Variants in WWOX observed in about 807,000 individuals in gnomAD.
The protein encoded by WWOX is WW domain containing oxidoreductase.
WWOX carries 69 observed loss-of-function variants against 46.2 expected under a neutral mutation model. The ratio of observed to expected loss-of-function variants is 1.49; its 90% CI spans 1.23 to 1.82. The LOEUF is 1.82. Among genes scored for constraint, WWOX ranks in the 40% most tolerant of loss-of-function variants. The probability of loss-of-function intolerance (pLI) is 0.00; values close to 1 mark genes in which losing one functional copy is unlikely to be tolerated. For missense variants in WWOX, 919 were observed against 542.6 expected, an observed-to-expected ratio of 1.69 and a Z score of -6.89; for synonymous variants, 359 against 202.6, an observed-to-expected ratio of 1.77 and a Z score of -6.56.
chr16:78,899,820 G>C lies in WWOX; in HGVS notation c.1057-311788G>C, dbSNP rs1014278912. On this transcript the variant is annotated intron_variant, in intron 8 of 8. Coordinates refer to ENST00000566780, the MANE Select transcript of WWOX (RefSeq NM_016373.4). Reference sequence around the variant, plus strand: ...ATTTGTGTTGTAGCTTGGAAAACTAGCGCGTGGTCTGTTTTGTTCCACTGG... The same window carrying C: ...ATTTGTGTTGTAGCTTGGAAAACTACCGCGTGGTCTGTTTTGTTCCACTGG... Among the ~76,000 whole-genome samples the C allele has an allele frequency of 9.9e-5, 15 of 152,278 alleles. No individual in the cohort carries two copies. In the South Asian group the frequency reaches 1.2e-3, roughly 13 times the overall value.
intron 8 of WWOX, among the ~76,000 whole-genome samples, chr16:78,564,845 C>A (rs2044526648): frequency 6.6e-6 from 1 of 151,946 alleles, no homozygotes; most frequent in Non-Finnish European, 1.5e-5. Flanking sequence ...TTTTTCTTTT[C>A]TTTCCTCTTT....
intron 5 of WWOX, among the ~76,000 whole-genome samples, chr16:78,379,803 G>C (rs2081915060): frequency 6.6e-6 from 1 of 152,126 alleles, no homozygotes. Context: ...TTGAAAACTA[G>C]GTTTGATCAC....
intron 8 of WWOX, among the ~76,000 whole-genome samples, chr16:78,446,814 C>T (rs902671967): frequency 9.9e-5 from 15 of 151,828 alleles, no homozygotes; most frequent in African/African-American, 3.6e-4. Flanking sequence ...GCATGTGCTA[C>T]TACCCCCGGC....
chr16:78,166,109 T>C (rs547911138), intron 5 of WWOX, among the ~76,000 whole-genome samples: 9 of 152,246 alleles, frequency 5.9e-5, no homozygotes, highest in Admixed American at 1.3e-4. Flanking sequence ...CATTATGTAT[T>C]CTTCCAGAAA....
At chr16:79,026,536 C>G (rs965283835) in intron 8 of WWOX, among the ~76,000 whole-genome samples, 9 of 150,760 alleles carry the variant, frequency 6.0e-5, no homozygotes, top group Non-Finnish European at 1.0e-4. Context: ...TGATCTCTAT[C>G]TAGAAAGAAT....
chr16:78,864,328 G>A (rs779948487), intron 8 of WWOX, among the ~76,000 whole-genome samples: 4 of 151,056 alleles, frequency 2.6e-5, no homozygotes, highest in Non-Finnish European at 5.9e-5. Flanking sequence ...GTGCAGTGGT[G>A]CAGTCATGGT....
At chr16:78,326,048 G>T (rs1029177399) in intron 5 of WWOX, among the ~76,000 whole-genome samples, 3 of 152,138 alleles carry the variant, frequency 2.0e-5, no homozygotes, top group African/African-American at 7.2e-5. Flanking sequence ...GTACCCTTAA[G>T]CAGAAGGGGG....
At chr16:79,022,660 G>A (rs2047557590) in intron 8 of WWOX, among the ~76,000 whole-genome samples, 3 of 152,124 alleles carry the variant, frequency 2.0e-5, no homozygotes, top group Admixed American at 1.3e-4. Flanking sequence ...GTAATTGGGG[G>A]CTGATTTATG....
chr16:78,489,885 G>A (rs1006509035), intron 8 of WWOX, among the ~76,000 whole-genome samples: 6 of 152,126 alleles, frequency 3.9e-5, no homozygotes, highest in African/African-American at 1.4e-4. Context: ...GGAGGAGGAG[G>A]GGTCTGACAG....
At chr16:78,579,554 C>T (rs1038179423) in intron 8 of WWOX, among the ~76,000 whole-genome samples, 2 of 151,966 alleles carry the variant, frequency 1.3e-5, no homozygotes, top group African/African-American at 2.4e-5. Flanking sequence ...TGCTGTGGTG[C>T]GCCAGAGACT....
intron 8 of WWOX, among the ~76,000 whole-genome samples, chr16:78,494,999 A>T (rs1347555731): frequency 6.6e-6 from 1 of 152,200 alleles, no homozygotes; most frequent in Non-Finnish European, 1.5e-5. Flanking sequence ...GGCGAAACCC[A>T]GGGGGTCAAG....
intron 8 of WWOX, among the ~76,000 whole-genome samples, chr16:79,024,093 G>A (rs2047589425): frequency 6.6e-6 from 1 of 152,346 alleles, no homozygotes; most frequent in African/African-American, 2.4e-5. Flanking sequence ...ATTGCAGGGG[G>A]CTGGGAAAGA....
At chr16:79,061,069 C>T (rs767674025) in intron 8 of WWOX, among the ~76,000 whole-genome samples, 3 of 152,134 alleles carry the variant, frequency 2.0e-5, no homozygotes, top group African/African-American at 4.8e-5. Context: ...CACAGCCTCT[C>T]GAAGGGACGT....
At chr16:78,156,327 G>C (rs1358274791) in intron 4 of WWOX, among the ~76,000 whole-genome samples, 1 of 152,142 alleles carries the variant, frequency 6.6e-6, no homozygotes, top group Admixed American at 6.6e-5. Context: ...AAATTTGATA[G>C]AAAAACGGCG....
intron 8 of WWOX, among the ~76,000 whole-genome samples, chr16:78,779,379 T>G (rs1411049436): frequency 6.6e-6 from 1 of 152,098 alleles, no homozygotes; most frequent in Non-Finnish European, 1.5e-5. Flanking sequence ...ACTCTTGAGC[T>G]CAAGAAATCC....
intron 8 of WWOX, among the ~76,000 whole-genome samples, chr16:78,540,518 A>C (rs2043866516): frequency 6.6e-6 from 1 of 152,152 alleles, no homozygotes; most frequent in East Asian, 1.9e-4. Flanking sequence ...TTTATTTTGG[A>C]CAGATAAACA....
At chr16:78,804,015 C>G (rs1330122912) in intron 8 of WWOX, among the ~76,000 whole-genome samples, 1 of 152,090 alleles carries the variant, frequency 6.6e-6, no homozygotes, top group Non-Finnish European at 1.5e-5. Flanking sequence ...AAGATAGAAA[C>G]AGCCCCATCA....
rs2079308240 is a variant in WWOX at position 78,264,021 on chromosome 16, T to TTTTTTTTTTTTTTTC, written c.516+99734_516+99735insTTTTTTTTTTTTCTT. On this transcript the variant is annotated intron_variant, in intron 5 of 8. Transcript: ENST00000566780. Reference sequence around the variant, plus strand: ...CTTTTTTTTTTTTTTTTTTTGTTTTTTTGCTGTGGAGCGCAAAATGTTCAT... The same window carrying TTTTTTTTTTTTTTTC: ...CTTTTTTTTTTTTTTTTTTTGTTTTTTTTTTTTTTTTTTTCTTGCTGTGGAGCGCAAAATGTTCAT... Among the ~76,000 whole-genome samples the TTTTTTTTTTTTTTTC allele has an allele frequency of 1.4e-5, 2 of 147,916 alleles. 1 individual carries two copies. Among genetic ancestry groups the TTTTTTTTTTTTTTTC allele is most frequent in the Non-Finnish European group, 3.0e-5 (2 of 67,346 alleles).
chr16:78,253,458 G>A (rs1015422817), intron 5 of WWOX, among the ~76,000 whole-genome samples: 1 of 152,188 alleles, frequency 6.6e-6, no homozygotes, highest in South Asian at 2.1e-4. Context: ...GTGCAAAGGA[G>A]TTAGGTACCC....
Sources: allele counts gnomAD v4.1 joint callset (sites outside exome capture counted in the v4.1 genomes callset), GRCh38; gene constraint gnomAD v4.1.1; transcripts MANE v1.5; gene names NCBI Gene and HGNC (gene_info 2026-07-23, HGNC 2026-07-21).